The following PCDHGA3 variants were observed in gnomAD, a reference collection of about 807,000 sequenced individuals.
The protein encoded by PCDHGA3 is protocadherin gamma subfamily A, 3.
Under a neutral mutation model 58.5 loss-of-function variants are expected in PCDHGA3, and 40 were observed. The observed-to-expected ratio is 0.68, with a 90% CI of 0.53 to 0.89. The LOEUF (loss-of-function observed/expected upper bound fraction) is 0.89, where lower values mean the gene tolerates loss of function less well. Among genes scored for constraint, PCDHGA3 ranks in the 40% least tolerant of loss-of-function variants. The pLI is 0.00. For missense variants in PCDHGA3, 1,223 were observed against 1,195.9 expected (o/e 1.02, Z -0.33); for synonymous variants, 530 against 525.7 (o/e 1.01, Z -0.11).
At chr5:141,460,666 C>G (rs1245201344) in intron 1 of PCDHGA3, among the ~76,000 whole-genome samples, 1 of 151,670 alleles carries the variant, frequency 6.6e-6, no homozygotes, top group South Asian at 2.1e-4. Context: ...ACTGTAAACA[C>G]AGTTATATAT....
intron 1 of PCDHGA3, chr5:141,364,725 G>A (rs775854228): frequency 1.9e-6 from 3 of 1,613,828 alleles, no homozygotes; most frequent in African/African-American, 2.7e-5. Context: ...AACTTCCCGC[G>A]TTTCCGGGAT....
chr5:141,438,545 A>C (rs915206342), intron 1 of PCDHGA3, among the ~76,000 whole-genome samples: 4 of 140,354 alleles, frequency 2.8e-5, no homozygotes, highest in Admixed American at 7.4e-5. Flanking sequence ...TCTATATCTA[A>C]GCCCTAATAA....
chr5:141,347,439 G>A lies in PCDHGA3; in HGVS notation c.2424+982G>A, dbSNP rs571857864. 4.2e-4 allele frequency among the ~76,000 whole-genome samples: 64 copies of A among 152,134 alleles called. No individual in the cohort carries two copies. In the South Asian group the frequency reaches 0.013, roughly 31 times the overall value. On this transcript the variant is annotated intron_variant, in intron 1 of 3. Coordinates refer to ENST00000253812, the MANE Select transcript of PCDHGA3 (RefSeq NM_018916.4). ...CAAAGTACTGCGATTAGAGGCATGAGCCACCATGCCTGGCCTGTTATTCTT... is the reference window on the plus strand; with the variant it reads ...CAAAGTACTGCGATTAGAGGCATGAACCACCATGCCTGGCCTGTTATTCTT...
At chr5:141,371,542 T>A in intron 1 of PCDHGA3, 1 of 1,613,786 alleles carries the variant, frequency 6.2e-7, no homozygotes, top group Non-Finnish European at 8.5e-7. Flanking sequence ...GGAGAAATCC[T>A]ATGCCAACTA....
intron 1 of PCDHGA3, among the ~76,000 whole-genome samples, chr5:141,449,264 C>T (rs2098633342): frequency 6.6e-6 from 1 of 152,056 alleles, no homozygotes; most frequent in African/African-American, 2.4e-5. Flanking sequence ...GTACAAAGAA[C>T]TGTATCTCCT....
At chr5:141,419,146 G>A in intron 1 of PCDHGA3, 1 of 1,613,922 alleles carries the variant, frequency 6.2e-7, no homozygotes, top group Non-Finnish European at 8.5e-7. Context: ...ACAGGGGCAA[G>A]CCTCCGTTAT....
intron 1 of PCDHGA3, chr5:141,428,289 G>A: frequency 1.4e-6 from 1 of 728,400 alleles, no homozygotes; most frequent in Non-Finnish European, 2.4e-6. Context: ...CCCAAGCAAA[G>A]CTGCAGATTT....
At chr5:141,393,246 A>G (rs1434145740) in intron 1 of PCDHGA3, 2 of 1,613,694 alleles carry the variant, frequency 1.2e-6, no homozygotes, top group Non-Finnish European at 1.7e-6. Flanking sequence ...AATTAACGAA[A>G]TCGCGGTTCC....
intron 1 of PCDHGA3, chr5:141,350,974 G>T (rs776132463): frequency 6.8e-6 from 11 of 1,613,978 alleles, no homozygotes; most frequent in African/African-American, 4.0e-5. Flanking sequence ...ATGCTCCCGT[G>T]TTTAGCCAGG....
chr5:141,419,659 C>T (rs930108720), intron 1 of PCDHGA3: 2 of 1,612,608 alleles, frequency 1.2e-6, no homozygotes, highest in East Asian at 4.5e-5. Flanking sequence ...ACTCGGGGCA[C>T]AATGCCTGGC....
At chr5:141,372,612 C>T (rs773605439) in intron 1 of PCDHGA3, 2 of 1,614,004 alleles carry the variant, frequency 1.2e-6, no homozygotes, top group Non-Finnish European at 1.7e-6. Context: ...ACCTGGAGTT[C>T]TCCCCACCTA....
Position 141,485,660 on chromosome 5 carries a change from G to A in PCDHGA3, c.2425-9147G>A. On this transcript the variant is annotated intron_variant, in intron 1 of 3. Transcript: ENST00000253812. The surrounding 1 kb of genome is among the most constrained non-coding windows in gnomAD (Gnocchi z 5.7). ...GGAAAAGGCTCAGGATGCAGATGTG[G>A]GGAGCAATTCGATTAGCAGCTATAG... is the stretch of plus-strand genomic sequence containing the variant. 1 of 1,612,716 alleles carries A rather than the reference G, an allele frequency of 6.2e-7. No individual in the cohort carries two copies. Among genetic ancestry groups the A allele is most frequent in the Non-Finnish European group, 8.5e-7 (1 of 1,178,898 alleles).
chr5:141,352,306 G>A lies in PCDHGA3; in HGVS notation c.2424+5849G>A, dbSNP rs73265820. Reference sequence around the variant, plus strand: ...GCCCTGAGCCCTCTGACCCCCAGACGGAACTGCAGTTTTACCTGGTTGTGG... The same window carrying A: ...GCCCTGAGCCCTCTGACCCCCAGACAGAACTGCAGTTTTACCTGGTTGTGG... On this transcript the variant is annotated intron_variant, in intron 1 of 3. Transcript: ENST00000253812. 2,608 of 1,613,610 alleles carry A rather than the reference G, an allele frequency of 1.6e-3. 36 individuals are homozygous for A. The African/African-American group carries it at 0.031, about 19-fold the overall frequency.
At chr5:141,423,099 G>C (rs1344463949) in intron 1 of PCDHGA3, 1 of 1,613,826 alleles carries the variant, frequency 6.2e-7, no homozygotes, top group Non-Finnish European at 8.5e-7. Flanking sequence ...GGGAGCACAC[G>C]GGCGAGGTGC....
intron 1 of PCDHGA3, chr5:141,388,313 T>C: frequency 6.2e-7 from 1 of 1,613,738 alleles, no homozygotes; most frequent in Non-Finnish European, 8.5e-7. Flanking sequence ...TGCAAATAAG[T>C]GAGTCTGCAC....
At position 141,512,815 on chromosome 5, in the gene PCDHGA3, A is replaced by AC. The variant is rs1215322144; in HGVS notation, c.*1647dup. ...TGTGCTGTGTCCACGCGCTAAGGCG[A>AC]CCCCCTCCCCCGTACTGACTTCTCC... is the stretch of plus-strand genomic sequence containing the variant. On this transcript the variant is annotated 3_prime_UTR_variant, in exon 4 of 4. Coordinates refer to ENST00000253812, the MANE Select transcript of PCDHGA3 (RefSeq NM_018916.4). The AC allele has an allele frequency of 6.7e-6, 1 of 149,682 alleles. No homozygotes were observed. The highest frequency in any genetic ancestry group is 1.5e-5 in the Non-Finnish European group (1 of 67,474). 9.3% of individuals were successfully genotyped at this position (149,682 alleles called of 1,614,324 possible).
chr5:141,490,421 C>T lies in PCDHGA3; in HGVS notation c.2425-4386C>T. On this transcript the variant is annotated intron_variant, in intron 1 of 3. Coordinates refer to ENST00000253812, the MANE Select transcript of PCDHGA3 (RefSeq NM_018916.4). The surrounding 1 kb of genome is among the most constrained non-coding windows in gnomAD (Gnocchi z 5.4). ...AGCCTTGATATCTCTCCGGACCTGCCATTTCAGATTAAGCCTTCTGAGAAC... is the reference window on the plus strand; with the variant it reads ...AGCCTTGATATCTCTCCGGACCTGCTATTTCAGATTAAGCCTTCTGAGAAC... 1 of 1,614,192 alleles carries T rather than the reference C, an allele frequency of 6.2e-7. No homozygotes were observed. The highest frequency in any genetic ancestry group is 8.5e-7 in the Non-Finnish European group (1 of 1,180,016).
intron 1 of PCDHGA3, chr5:141,394,981 G>T: frequency 6.2e-7 from 1 of 1,613,964 alleles, no homozygotes; most frequent in Non-Finnish European, 8.5e-7. Flanking sequence ...CACAAGTCAC[G>T]CCTGCTCCAG....
chr5:141,404,594 T>C (rs778412256), intron 1 of PCDHGA3: 6 of 1,614,050 alleles, frequency 3.7e-6, no homozygotes, highest in South Asian at 1.1e-5. Flanking sequence ...CAATGTGTCA[T>C]TGAGACTGTT....
Sources: gnomAD v4.1 joint callset for allele counts (sites outside exome capture counted in the v4.1 genomes callset) on GRCh38, gnomAD v4.1.1 for gene constraint, Gnocchi (gnomAD v3.1) non-coding constraint, MANE v1.5 for transcripts, NCBI Gene and HGNC (gene_info 2026-07-23, HGNC 2026-07-21) for gene names.